Variants in BMAL2 observed in about 807,000 individuals in gnomAD.
BMAL2 encodes the protein basic helix-loop-helix ARNT like 2.
At chr12:27,372,581 G>A in the BMAL2 span, among the ~76,000 whole-genome samples, 2 of 152,336 alleles carry the variant, frequency 1.3e-5, no homozygotes, top group South Asian at 4.1e-4. Flanking sequence ...CTGCTATACT[G>A]TTTTCCACAG....
chr12:27,353,871 C>T, the BMAL2 span, among the ~76,000 whole-genome samples: 1 of 152,026 alleles, frequency 6.6e-6, no homozygotes, highest in Admixed American at 6.6e-5. Flanking sequence ...AATGAAATCC[C>T]ATCTCAAGAA....
the BMAL2 span, among the ~76,000 whole-genome samples, chr12:27,413,461 A>G: frequency 2.0e-5 from 3 of 152,324 alleles, no homozygotes; most frequent in African/African-American, 7.2e-5. Flanking sequence ...TGTTATAATG[A>G]CAAGGTATTT....
At chr12:27,377,764 A>G in the BMAL2 span, among the ~76,000 whole-genome samples, 3 of 152,164 alleles carry the variant, frequency 2.0e-5, no homozygotes, top group Non-Finnish European at 2.9e-5. Flanking sequence ...AAAAAAATCT[A>G]ATTGCTCACA....
the BMAL2 span, among the ~76,000 whole-genome samples, chr12:27,361,467 A>G: frequency 6.6e-6 from 1 of 152,216 alleles, no homozygotes. Flanking sequence ...GTGTTAAAGA[A>G]CACATATTAC....
the BMAL2 span, among the ~76,000 whole-genome samples, chr12:27,345,268 C>T: frequency 6.6e-6 from 1 of 152,246 alleles, no homozygotes; most frequent in African/African-American, 2.4e-5. Context: ...GGGCTGCATT[C>T]TGCAGTGGCA....
chr12:27,405,927 A>G, the BMAL2 span, among the ~76,000 whole-genome samples: 16 of 152,358 alleles, frequency 1.1e-4, no homozygotes, highest in Non-Finnish European at 5.9e-5. Context: ...AAACAACGGC[A>G]TGAGAACTAC....
the BMAL2 span, chr12:27,401,211 G>C: frequency 7.0e-7 from 1 of 1,422,178 alleles, no homozygotes; most frequent in Non-Finnish European, 9.9e-7. Context: ...TTCTGGGAGG[G>C]AGTACACTCA....
At chr12:27,385,425 A>G in the BMAL2 span, 7 of 1,072,086 alleles carry the variant, frequency 6.5e-6, no homozygotes, top group Admixed American at 3.6e-5. Context: ...AATGTTCATT[A>G]AGCATTTTGC....
chr12:27,377,847 C>T, the BMAL2 span, among the ~76,000 whole-genome samples: 1 of 152,100 alleles, frequency 6.6e-6, no homozygotes, highest in Non-Finnish European at 1.5e-5. Flanking sequence ...TCCACTTCGC[C>T]CAACAGTGTG....
At chr12:27,388,041 T>C in the BMAL2 span, among the ~76,000 whole-genome samples, 2 of 151,954 alleles carry the variant, frequency 1.3e-5, no homozygotes, top group Non-Finnish European at 2.9e-5. Context: ...GGCACAAACC[T>C]CATGATTCCA....
the BMAL2 span, among the ~76,000 whole-genome samples, chr12:27,348,948 T>A: frequency 6.6e-6 from 1 of 152,106 alleles, no homozygotes; most frequent in South Asian, 2.1e-4. Context: ...GGGGCCCCAG[T>A]AGGGTGGGAG....
At chr12:27,407,261 A>T in the BMAL2 span, among the ~76,000 whole-genome samples, 1 of 152,154 alleles carries the variant, frequency 6.6e-6, no homozygotes, top group Non-Finnish European at 1.5e-5. Flanking sequence ...CATCTACAGA[A>T]CTCTCTGCCC....
chr12:27,424,531 G>A, the BMAL2 span: 6 of 152,304 alleles, frequency 3.9e-5, no homozygotes, highest in East Asian at 3.9e-4. Flanking sequence ...ACAGTGTCAC[G>A]ACAGAAAAGG....
the BMAL2 span, among the ~76,000 whole-genome samples, chr12:27,413,909 C>T: frequency 2.6e-5 from 4 of 152,046 alleles, no homozygotes; most frequent in Admixed American, 2.6e-4. Context: ...TGGCACACAC[C>T]GGTAGTACCA....
chr12:27,351,481 C>T, the BMAL2 span, among the ~76,000 whole-genome samples: 17 of 152,268 alleles, frequency 1.1e-4, no homozygotes, highest in African/African-American at 4.1e-4. Flanking sequence ...CACAATTTGC[C>T]CTTGAATGCG....
At chr12:27,397,253 G>A in the BMAL2 span, among the ~76,000 whole-genome samples, 3 of 152,112 alleles carry the variant, frequency 2.0e-5, no homozygotes, top group Admixed American at 2.0e-4. Flanking sequence ...TGTATTTTTA[G>A]TAGAGATGGG....
chr12:27,408,286 A>AC, the BMAL2 span, among the ~76,000 whole-genome samples: 1 of 152,202 alleles, frequency 6.6e-6, no homozygotes, highest in African/African-American at 2.4e-5. Flanking sequence ...CAGAGACACA[A>AC]CAAAAAAAGA....
At chr12:27,401,383 A>G in the BMAL2 span, 23 of 1,589,594 alleles carry the variant, frequency 1.4e-5, no homozygotes, top group Non-Finnish European at 2.0e-5. Flanking sequence ...CATTGAGCAG[A>G]ATACATTTTG....
At chr12:27,418,050 A>T in the BMAL2 span, 1 of 1,326,926 alleles carries the variant, frequency 7.5e-7, no homozygotes, top group Non-Finnish European at 1.1e-6. Context: ...TTATTCTAGT[A>T]GGAACCTCAC....
Sources: allele counts gnomAD v4.1 joint callset (sites outside exome capture counted in the v4.1 genomes callset), GRCh38; gene constraint gnomAD v4.1.1; transcripts MANE v1.5; gene names NCBI Gene and HGNC (gene_info 2026-07-23, HGNC 2026-07-21).